The following FBXO21 variants were observed in gnomAD, a reference collection of about 807,000 sequenced individuals.
FBXO21 encodes F-box protein 21.
FBXO21 carries 32 observed loss-of-function variants against 76.6 expected under a neutral mutation model. The ratio of observed to expected loss-of-function variants is 0.42; its 90% CI spans 0.32 to 0.56. FBXO21 has a LOEUF of 0.56. FBXO21 is among the 20% of genes least tolerant of loss of function. FBXO21 has a pLI of 0.16. For synonymous variants in FBXO21, 328 were observed against 311.5 expected (o/e 1.05, Z -0.56); for missense variants, 586 against 797.3 (o/e 0.73, Z 3.19).
chr12:117,157,983 T>C lies in FBXO21; in HGVS notation c.1407A>G (p.Leu469=). 6.2e-7 allele frequency: 1 copy of C among 1,614,240 alleles called. No homozygotes were observed. Among genetic ancestry groups the C allele is most frequent in the Non-Finnish European group, 8.5e-7 (1 of 1,180,036 alleles). ...GAVGYLVQHT[L]EHIERKKEEV... ...CCTCCTTTTTGCGCTCAATGTGCTCTAGAGTGTGCTGCACCAGGTAGCCCA... is the reference window on the plus strand; with the variant it reads ...CCTCCTTTTTGCGCTCAATGTGCTCCAGAGTGTGCTGCACCAGGTAGCCCA... Residue 469 remains leucine, a synonymous_variant, in exon 10 of 12, where the codon CTA becomes CTG. Coordinates refer to ENST00000622495, the MANE Select transcript of FBXO21 (RefSeq NM_015002.3).
Position 117,145,442 on chromosome 12 carries a change from T to C in FBXO21, c.*645A>G, listed in dbSNP as rs1237249432. Reference sequence around the variant, plus strand: ...GAATATGGAAGGGAAAACTGTGTTATATTCCCATTTAAATTTAAAAAAAAA... The same window carrying C: ...GAATATGGAAGGGAAAACTGTGTTACATTCCCATTTAAATTTAAAAAAAAA... On this transcript the variant is annotated 3_prime_UTR_variant, in exon 12 of 12. Coordinates refer to ENST00000622495, the MANE Select transcript of FBXO21 (RefSeq NM_015002.3). 6.7e-6 allele frequency: 1 copy of C among 148,662 alleles called. No individual in the cohort carries two copies. The highest frequency in any genetic ancestry group is 1.5e-5 in the Non-Finnish European group (1 of 66,696). The allele number at this position is 148,662 out of a possible 1,614,324, so 9.2% of individuals were successfully genotyped here.
intron 6 of FBXO21, among the ~76,000 whole-genome samples, 197 bp from the exon 7 acceptor site, chr12:117,172,804 T>C (rs1374097284): frequency 6.6e-6 from 1 of 152,234 alleles, no homozygotes; most frequent in Non-Finnish European, 1.5e-5. Flanking sequence ...GCTATTTTTG[T>C]ACAGCCTGTG....
intron 5 of FBXO21, 32 bp downstream of exon 5, chr12:117,174,619 T>A: frequency 1.2e-6 from 2 of 1,602,718 alleles, no homozygotes; most frequent in Non-Finnish European, 8.5e-7. Flanking sequence ...TTTTCTTTCA[T>A]AAATACAGCT....
At chr12:117,147,904 C>A (rs1034465452) in intron 11 of FBXO21, among the ~76,000 whole-genome samples, 3 of 152,250 alleles carry the variant, frequency 2.0e-5, no homozygotes, top group African/African-American at 4.8e-5. Flanking sequence ...ATCCTTGGCA[C>A]TGCCCATCAC....
At chr12:117,165,356 T>C (rs2270791) in intron 9 of FBXO21, 129 bp downstream of exon 9, 219,271 of 966,540 alleles carry the variant, frequency 0.23, 27,150 homozygotes, top group East Asian at 0.43. Flanking sequence ...CAATGGGTTA[T>C]GATTGGGAGA....
chr12:117,174,668 C>G lies in FBXO21; in HGVS notation c.722G>C (p.Ser241Thr). The G allele has an allele frequency of 6.2e-7, 1 of 1,614,138 alleles. No individual in the cohort carries two copies. The highest frequency in any genetic ancestry group is 8.5e-7 in the Non-Finnish European group (1 of 1,180,022). Residue 241 changes from serine (S) to threonine (T), a missense_variant, in exon 5 of 12, where the codon AGC becomes ACC. Around this residue, in one of 6 missense-constraint regions of FBXO21, gnomAD observed 246 missense variants for 356.8 expected, o/e 0.69. Transcript: ENST00000622495. ...TLRGINSRHP[S>T]LAFKAGESSM... The stretch of plus-strand genomic sequence containing the variant: ...TGCCACACCTGCCTTGAAGGCCAAG[C>G]TGGGGTGGCGACTGTTTATGCCCCG...
intron 7 of FBXO21, among the ~76,000 whole-genome samples, chr12:117,170,767 G>A (rs1034657502): frequency 2.5e-4 from 38 of 152,134 alleles, no homozygotes; most frequent in African/African-American, 8.9e-4. Context: ...GTAAGTTATC[G>A]TGGCAAATGA....
At chr12:117,177,714 T>C in intron 3 of FBXO21, 73 bp from the exon 4 acceptor site, 1 of 1,263,324 alleles carries the variant, frequency 7.9e-7, no homozygotes, top group East Asian at 2.3e-5. Context: ...TACACTAACA[T>C]ACCATGTAGT....
At position 117,186,354 on chromosome 12, in the gene FBXO21, G is replaced by C. The variant is rs190469773; in HGVS notation, c.470+123C>G. The C allele has an allele frequency of 4.3e-4, 309 of 712,002 alleles. 2 individuals are homozygous for C. In the African/African-American group the frequency reaches 4.4e-3, roughly 10 times the overall value. The allele number at this position is 712,002 out of a possible 1,614,324, so 44.1% of individuals were successfully genotyped here. ...AATATACACAGAACTTTTCAAAACTGTAACTATGACAAGGCGTGAAATATT... is the reference window on the plus strand; with the variant it reads ...AATATACACAGAACTTTTCAAAACTCTAACTATGACAAGGCGTGAAATATT... On this transcript the variant is annotated intron_variant, in intron 3 of 11. Transcript: ENST00000622495.
At chr12:117,149,824 C>T (rs569101309) in intron 11 of FBXO21, among the ~76,000 whole-genome samples, 36 of 152,232 alleles carry the variant, frequency 2.4e-4, no homozygotes, top group South Asian at 6.2e-4. Context: ...AGGAAAGAAG[C>T]GGAAACTCAG....
intron 11 of FBXO21, among the ~76,000 whole-genome samples, chr12:117,149,202 G>A (rs903518690): frequency 2.6e-5 from 4 of 152,182 alleles, no homozygotes; most frequent in East Asian, 3.9e-4. Context: ...GTCTTGCTAC[G>A]TTGCCCAGGT....
In FBXO21 at chr12:117,144,151, ATG is replaced by A. The variant is rs1955743019; in HGVS notation, c.*1934_*1935del. ...GGTAAAACCATCTTTCTTGACTTTG[ATG>A]TGTCTAAGAAAAAAGGAAATCAATC... On this transcript the variant is annotated 3_prime_UTR_variant, in exon 12 of 12. Transcript: ENST00000622495. 1 of 152,362 alleles carries A rather than the reference ATG, an allele frequency of 6.6e-6. No individual in the cohort carries two copies. Among genetic ancestry groups the A allele is most frequent in the South Asian group, 2.1e-4 (1 of 4,830 alleles). 9.4% of individuals were successfully genotyped at this position (152,362 alleles called of 1,614,324 possible). A position where few individuals can be genotyped will look rare whatever the true frequency, so the allele number is the denominator to read the frequency against.
intron 11 of FBXO21, among the ~76,000 whole-genome samples, chr12:117,149,317 C>T (rs1955813270): frequency 6.6e-6 from 1 of 152,156 alleles, no homozygotes; most frequent in Admixed American, 6.5e-5. Context: ...GATTTTCTTG[C>T]AGAGCTGCAC....
chr12:117,172,845 G>GA (rs1444341546), intron 6 of FBXO21, among the ~76,000 whole-genome samples: 4 of 151,936 alleles, frequency 2.6e-5, no homozygotes, highest in Admixed American at 2.6e-4. Context: ...TTTAATGTTT[G>GA]AAAAAATAGT....
At chr12:117,158,409 G>A (rs1955941347) in intron 9 of FBXO21, among the ~76,000 whole-genome samples, 1 of 152,186 alleles carries the variant, frequency 6.6e-6, no homozygotes, top group African/African-American at 2.4e-5. Flanking sequence ...CTCTGGATGA[G>A]GTGGGCTCTA....
chr12:117,182,182 T>C (rs1238551821), intron 3 of FBXO21, among the ~76,000 whole-genome samples: 2 of 152,200 alleles, frequency 1.3e-5, no homozygotes, highest in African/African-American at 4.8e-5. Flanking sequence ...TATTTTTAAA[T>C]GCGGGGTATT....
rs1373134222 is a variant in FBXO21 at position 117,143,224 on chromosome 12, G to A, written c.*2863C>T. 6.6e-6 allele frequency: 1 copy of A among 151,968 alleles called. No homozygotes were observed. Among genetic ancestry groups the A allele is most frequent in the Admixed American group, 6.6e-5 (1 of 15,260 alleles). 9.4% of individuals were successfully genotyped at this position (151,968 alleles called of 1,614,324 possible). On this transcript the variant is annotated 3_prime_UTR_variant, in exon 12 of 12. Transcript: ENST00000622495. Reference sequence around the variant, plus strand: ...GGGGACGGTGCGTGCGTGTAGGGGAGGGAAATTCCAGGGTTTCATATATCA... The same window carrying A: ...GGGGACGGTGCGTGCGTGTAGGGGAAGGAAATTCCAGGGTTTCATATATCA...
Position 117,174,820 on chromosome 12 carries a change from G to A in FBXO21, c.593-23C>T, listed in dbSNP as rs79336420. The A allele has an allele frequency of 1.7e-3, 2,712 of 1,603,830 alleles. 51 individuals are homozygous for A. The African/African-American group carries it at 0.027, about 16-fold the overall frequency. On this transcript the variant is annotated intron_variant, in intron 4 of 11. Coordinates refer to ENST00000622495, the MANE Select transcript of FBXO21 (RefSeq NM_015002.3). ...CACCTGAAAATGAACAAGAATTACCGAATAAATTCTCACGTTACCCTTTTC... is the reference window on the plus strand; with the variant it reads ...CACCTGAAAATGAACAAGAATTACCAAATAAATTCTCACGTTACCCTTTTC...
At chr12:117,155,428 C>G in intron 11 of FBXO21, 1 of 231,148 alleles carries the variant, frequency 4.3e-6, no homozygotes, top group Non-Finnish European at 8.8e-6. Flanking sequence ...GGCCAGGGAG[C>G]ACTAGGGGGC....
Sources: gnomAD v4.1 joint callset for allele counts (sites outside exome capture counted in the v4.1 genomes callset) on GRCh38, gnomAD v4.1.1 for gene constraint, gnomAD v4.1.1 regional missense constraint, MANE v1.5 for transcripts, NCBI Gene and HGNC (gene_info 2026-07-23, HGNC 2026-07-21) for gene names.